Variants in SNTG1 observed in about 807,000 individuals in gnomAD.
SNTG1 encodes the protein syntrophin gamma 1.
Under a neutral mutation model 74.7 loss-of-function variants are expected in SNTG1, and 39 were observed. That is an observed-to-expected ratio of 0.52 (90% CI 0.40 to 0.68). The LOEUF (loss-of-function observed/expected upper bound fraction) is 0.68, where lower values mean the gene tolerates loss of function less well. SNTG1 is among the 30% of genes least tolerant of loss of function. SNTG1 has a pLI of 0.00. For synonymous variants in SNTG1, 254 were observed against 217.1 expected (o/e 1.17, Z -1.49); for missense variants, 685 against 609.5 (o/e 1.12, Z -1.30).
At chr8:50,266,375 T>C (rs186156164) in intron 2 of SNTG1, among the ~76,000 whole-genome samples, 309 of 152,146 alleles carry the variant, frequency 2.0e-3, no homozygotes, top group Non-Finnish European at 3.2e-3. Flanking sequence ...AACAACTAGT[T>C]ATACGTAAGC....
In SNTG1 at chr8:50,482,978, T is replaced by C. The variant is rs144372122; in HGVS notation, c.364-19800T>C. ...AGATACCAGGTGATGGGAATGCCCT[T>C]TGGGACTCTCTTGGAAAAGAAGCAA... is the stretch of plus-strand genomic sequence containing the variant. On this transcript the variant is annotated intron_variant, in intron 8 of 18. Coordinates refer to ENST00000642720, the MANE Select transcript of SNTG1 (RefSeq NM_018967.5). 9.2e-5 allele frequency among the ~76,000 whole-genome samples: 14 copies of C among 152,276 alleles called. No individual in the cohort carries two copies. In the East Asian group the frequency reaches 2.7e-3, roughly 29 times the overall value.
rs576479342 is a variant in SNTG1 at position 50,209,303 on chromosome 8, T to C, written c.-28+36668T>C. Among the ~76,000 whole-genome samples, 351 of 152,328 alleles carry C rather than the reference T, an allele frequency of 2.3e-3. 1 individual carries two copies. The highest frequency in any genetic ancestry group is 8.1e-3 in the African/African-American group (336 of 41,574). ...AGACTCCACCTCTGGGGGCAGGGCA[T>C]AGCTGAACAAAAGGCAACAGAAACT... On this transcript the variant is annotated intron_variant, in intron 2 of 18. Transcript: ENST00000642720.
chr8:50,512,270 T>C (rs1041945075), intron 9 of SNTG1, among the ~76,000 whole-genome samples: 19 of 151,790 alleles, frequency 1.3e-4, no homozygotes, highest in Admixed American at 1.1e-3. Context: ...TTGCAGAGTT[T>C]CCACCGAGAG....
intron 12 of SNTG1, among the ~76,000 whole-genome samples, chr8:50,587,549 G>A (rs1026533699): frequency 2.6e-5 from 4 of 152,186 alleles, no homozygotes; most frequent in African/African-American, 9.7e-5. Flanking sequence ...GCTTGGCCGG[G>A]CGCAGTGGCT....
intron 2 of SNTG1, among the ~76,000 whole-genome samples, chr8:50,215,683 G>A (rs907669940): frequency 2.6e-5 from 4 of 151,712 alleles, no homozygotes; most frequent in Non-Finnish European, 4.4e-5. Context: ...GGTACTCATC[G>A]AATCCAAGCT....
chr8:50,632,317 A>T (rs980361449), intron 13 of SNTG1, among the ~76,000 whole-genome samples: 1 of 150,806 alleles, frequency 6.6e-6, no homozygotes, highest in African/African-American at 2.4e-5. Context: ...TTATTTATTT[A>T]TTTATTTATT....
At chr8:50,347,712 G>C (rs1209642158) in intron 2 of SNTG1, among the ~76,000 whole-genome samples, 4 of 152,012 alleles carry the variant, frequency 2.6e-5, no homozygotes, top group Non-Finnish European at 5.9e-5. Context: ...AGCTATTCTA[G>C]TGGTTGATCC....
chr8:50,537,605 A>G (rs915445156), intron 11 of SNTG1, among the ~76,000 whole-genome samples: 2 of 152,022 alleles, frequency 1.3e-5, no homozygotes, highest in African/African-American at 4.8e-5. Flanking sequence ...CTTAACTTGT[A>G]TGTATACTTT....
At chr8:50,164,275 G>C (rs534525226) in intron 1 of SNTG1, 1 of 152,114 alleles carries the variant, frequency 6.6e-6, no homozygotes, top group Admixed American at 6.5e-5. Context: ...CTGGTACAGC[G>C]TGATGCACAG....
At chr8:50,517,236 A>T (rs2094140834) in intron 9 of SNTG1, among the ~76,000 whole-genome samples, 1 of 152,246 alleles carries the variant, frequency 6.6e-6, no homozygotes, top group African/African-American at 2.4e-5. Flanking sequence ...TTTACAGAAA[A>T]GCAATTGCTG....
At chr8:50,749,749 T>C (rs912781999) in intron 17 of SNTG1, among the ~76,000 whole-genome samples, 9 of 152,048 alleles carry the variant, frequency 5.9e-5, no homozygotes, top group African/African-American at 2.2e-4. Flanking sequence ...CATGGTTTAC[T>C]GAATATGTTA....
rs939272176 is a variant in SNTG1, at chr8:50,124,272, A to G, written c.-102-48289A>G. On this transcript the variant is annotated intron_variant, in intron 1 of 18. Coordinates refer to ENST00000642720, the MANE Select transcript of SNTG1 (RefSeq NM_018967.5). ...GTGAGAAAGGCTTTGGGAGAAACCA[A>G]CCCGCTGACACATCAGCCTCAGAGT... 1.2e-4 allele frequency among the ~76,000 whole-genome samples: 17 copies of G among 141,784 alleles called. 3 individuals are homozygous for G. Among genetic ancestry groups the G allele is most frequent in the Admixed American group, 2.2e-4 (3 of 13,802 alleles). The allele number at this position is 141,784 out of a possible 152,430, so 93.0% of individuals were successfully genotyped here.
intron 12 of SNTG1, among the ~76,000 whole-genome samples, chr8:50,580,171 C>G (rs528125686): frequency 1.3e-5 from 2 of 152,348 alleles, no homozygotes; most frequent in South Asian, 4.1e-4. Context: ...AACAACTGCC[C>G]TATTGGATTT....
chr8:50,201,969 G>A (rs1178445992), intron 2 of SNTG1, among the ~76,000 whole-genome samples: 1 of 151,980 alleles, frequency 6.6e-6, no homozygotes, highest in East Asian at 1.9e-4. Context: ...AGCAATATGA[G>A]GATTTTTAAC....
At chr8:50,768,568 T>C (rs2095619427) in intron 18 of SNTG1, among the ~76,000 whole-genome samples, 1 of 152,048 alleles carries the variant, frequency 6.6e-6, no homozygotes, top group Non-Finnish European at 1.5e-5. Context: ...CAAGGCTCTC[T>C]TTCTGTCTTG....
intron 2 of SNTG1, among the ~76,000 whole-genome samples, chr8:50,204,476 T>A (rs887659437): frequency 6.6e-6 from 1 of 152,176 alleles, no homozygotes; most frequent in African/African-American, 2.4e-5. Flanking sequence ...AACTGCAAGT[T>A]CATTTTGTAT....
intron 13 of SNTG1, among the ~76,000 whole-genome samples, chr8:50,611,543 A>T (rs1172290445): frequency 2.0e-5 from 3 of 152,184 alleles, no homozygotes; most frequent in Non-Finnish European, 2.9e-5. Flanking sequence ...AGTGACTATG[A>T]TATTTATTCT....
chr8:50,721,359 T>G (rs2095487194), intron 17 of SNTG1, among the ~76,000 whole-genome samples: 6 of 152,214 alleles, frequency 3.9e-5, no homozygotes, highest in Admixed American at 3.9e-4. Flanking sequence ...TTACTGGCAT[T>G]TTCAAGCTTT....
intron 1 of SNTG1, among the ~76,000 whole-genome samples, chr8:49,913,421 G>A (rs1030593927): frequency 2.0e-5 from 3 of 152,176 alleles, no homozygotes; most frequent in Admixed American, 6.5e-5. Context: ...AATCATTGGA[G>A]GCCGTTACAG....
Sources: gnomAD v4.1 joint callset for allele counts (sites outside exome capture counted in the v4.1 genomes callset) on GRCh38, gnomAD v4.1.1 for gene constraint, MANE v1.5 for transcripts, NCBI Gene and HGNC (gene_info 2026-07-23, HGNC 2026-07-21) for gene names.